The following IGFL2 variants were observed in gnomAD, a reference collection of about 807,000 sequenced individuals.
The protein encoded by IGFL2 is insulin growth factor-like family member 2.
In IGFL2, 7 loss-of-function variants were observed where a neutral mutation model predicts 13.9. That is an observed-to-expected ratio of 0.51 (90% CI 0.29 to 0.95). The LOEUF is 0.95. Ranked by LOEUF, IGFL2 falls within the 40% of genes least tolerant of loss-of-function variation. The pLI is 0.08. For synonymous variants in IGFL2, 55 were observed against 55.8 expected (o/e 0.99, Z 0.07); for missense variants, 138 against 147.8 (o/e 0.93, Z 0.34).
the IGFL2 span, among the ~76,000 whole-genome samples, chr19:46,102,580 A>G: frequency 2.0e-5 from 3 of 152,098 alleles, no homozygotes; most frequent in African/African-American, 4.8e-5. Context: ...CACAAAGTCA[A>G]TTGATCAGTT....
chr19:46,174,942 C>G, the IGFL2 span, among the ~76,000 whole-genome samples: 1 of 152,188 alleles, frequency 6.6e-6, no homozygotes, highest in African/African-American at 2.4e-5. Flanking sequence ...GATATTACTA[C>G]AAACCAAGAC....
chr19:46,122,387 G>A, the IGFL2 span, among the ~76,000 whole-genome samples: 1 of 151,084 alleles, frequency 6.6e-6, no homozygotes, highest in African/African-American at 2.5e-5. Context: ...AGCCTAGTTA[G>A]CTAGCTGACC....
At chr19:46,116,335 T>C in the IGFL2 span, among the ~76,000 whole-genome samples, 2,019 of 152,308 alleles carry the variant, frequency 0.013, 31 homozygotes, top group Middle Eastern at 0.027. Context: ...CAATATCTAC[T>C]TGTGGTTTTC....
the IGFL2 span, among the ~76,000 whole-genome samples, chr19:46,078,702 T>C: frequency 1.1e-4 from 16 of 152,244 alleles, no homozygotes; most frequent in Non-Finnish European, 1.5e-4. Context: ...AAAAGGCCTG[T>C]GACGCACTCT....
intron 1 of IGFL2, chr19:46,149,175 C>CT (rs2048195101): frequency 1.8e-6 from 1 of 564,474 alleles, no homozygotes; most frequent in African/African-American, 1.9e-5. Context: ...CTCTCTCTCT[C>CT]TTCTCTCTCT....
At chr19:46,192,824 C>G in the IGFL2 span, among the ~76,000 whole-genome samples, 1 of 152,160 alleles carries the variant, frequency 6.6e-6, no homozygotes, top group African/African-American at 2.4e-5. Flanking sequence ...TAGTAATTCC[C>G]TCTTATCTCC....
At chr19:46,183,931 C>T in the IGFL2 span, among the ~76,000 whole-genome samples, 8 of 152,152 alleles carry the variant, frequency 5.3e-5, no homozygotes, top group Non-Finnish European at 1.2e-4. Flanking sequence ...CTCCAGCCTT[C>T]TAGGTTTTCA....
At chr19:46,117,169 A>C in the IGFL2 span, among the ~76,000 whole-genome samples, 2 of 152,178 alleles carry the variant, frequency 1.3e-5, no homozygotes, top group Non-Finnish European at 2.9e-5. Context: ...AAGCCTATTC[A>C]GTAAGTTTTT....
At chr19:46,195,016 A>G in the IGFL2 span, 1 of 131,046 alleles carries the variant, frequency 7.6e-6, no homozygotes, top group African/African-American at 2.6e-5. Context: ...CATCTGACCA[A>G]GACTTTTTTT....
the IGFL2 span, among the ~76,000 whole-genome samples, chr19:46,137,828 T>A: frequency 6.6e-6 from 1 of 152,236 alleles, no homozygotes; most frequent in Non-Finnish European, 1.5e-5. Flanking sequence ...TACTTCTGAT[T>A]ATATTATGAA....
chr19:46,156,679 T>C (rs1973841226), intron 1 of IGFL2, among the ~76,000 whole-genome samples: 2 of 152,052 alleles, frequency 1.3e-5, no homozygotes, highest in African/African-American at 2.4e-5. Flanking sequence ...TAAATAGTTG[T>C]ATTAGAAAAA....
chr19:46,117,769 G>A, the IGFL2 span, among the ~76,000 whole-genome samples: 13 of 152,222 alleles, frequency 8.5e-5, no homozygotes, highest in East Asian at 1.9e-4. Context: ...GTGAGCCACC[G>A]CGCCCGGACT....
the IGFL2 span, chr19:46,206,629 A>G: frequency 6.6e-6 from 1 of 152,276 alleles, no homozygotes; most frequent in East Asian, 1.9e-4. Flanking sequence ...CTCATATTAC[A>G]TCAGTCCAAA....
intron 1 of IGFL2, among the ~76,000 whole-genome samples, chr19:46,151,153 A>G (rs951148970): frequency 6.6e-6 from 1 of 152,040 alleles, no homozygotes; most frequent in African/African-American, 2.4e-5. Context: ...TCTACATACA[A>G]GTGAGATGGT....
chr19:46,149,725 A>G (rs1973370603), intron 1 of IGFL2, among the ~76,000 whole-genome samples: 1 of 152,068 alleles, frequency 6.6e-6, no homozygotes, highest in Non-Finnish European at 1.5e-5. Flanking sequence ...CCTTTTTACA[A>G]CTGAATAAAT....
chr19:46,128,361 C>G, the IGFL2 span, among the ~76,000 whole-genome samples: 5 of 152,008 alleles, frequency 3.3e-5, no homozygotes, highest in East Asian at 9.7e-4. Flanking sequence ...ATTGCTCTGG[C>G]CAGGACTTCC....
At chr19:46,108,131 C>T in the IGFL2 span, among the ~76,000 whole-genome samples, 3 of 151,726 alleles carry the variant, frequency 2.0e-5, no homozygotes, top group South Asian at 2.1e-4. Flanking sequence ...CTCAGCCTGG[C>T]GAGGAGCAGC....
the IGFL2 span, among the ~76,000 whole-genome samples, chr19:46,192,814 T>A: frequency 6.6e-6 from 1 of 152,214 alleles, no homozygotes; most frequent in African/African-American, 2.4e-5. Context: ...TATTGTGGTA[T>A]AGTAATTCCC....
At chr19:46,110,994 A>T in the IGFL2 span, 5 of 151,770 alleles carry the variant, frequency 3.3e-5, no homozygotes, top group Non-Finnish European at 5.9e-5. Context: ...ATTATGTACA[A>T]TTTTTTTTAC....
Sources: allele counts gnomAD v4.1 joint callset (sites outside exome capture counted in the v4.1 genomes callset), GRCh38; gene constraint gnomAD v4.1.1; transcripts MANE v1.5; gene names NCBI Gene and HGNC (gene_info 2026-07-23, HGNC 2026-07-21).